The following LHX2 variants were observed in gnomAD, a reference collection of about 807,000 sequenced individuals.
The protein encoded by LHX2 is LIM homeobox 2.
A neutral mutation model predicts 33.0 loss-of-function variants in LHX2; 6 were observed. The observed-to-expected ratio is 0.18, with a 90% CI of 0.10 to 0.36. The LOEUF (loss-of-function observed/expected upper bound fraction) is 0.36. Ranked by LOEUF, LHX2 falls within the 10% of genes least tolerant of loss-of-function variation. LHX2 has a pLI of 1.00. For missense variants in LHX2, 442 were observed against 586.2 expected (o/e 0.75, Z 2.54); for synonymous variants, 292 against 253.1 (o/e 1.15, Z -1.46).
chr9:124,020,516 G>A (rs1180363407), intron 3 of LHX2, among the ~76,000 whole-genome samples: 2 of 152,074 alleles, frequency 1.3e-5, no homozygotes, highest in African/African-American at 4.8e-5. Flanking sequence ...CAGTTTCTAG[G>A]TGCCGGTCCC....
chr9:124,032,913 CACA>C lies in LHX2; in HGVS notation c.*210_*212del, dbSNP rs2118788567. On this transcript the variant is annotated 3_prime_UTR_variant, in exon 5 of 5. Coordinates refer to ENST00000373615, the MANE Select transcript of LHX2 (RefSeq NM_004789.4). The surrounding 1 kb of genome is among the most constrained non-coding windows in gnomAD (Gnocchi z 4.1). The stretch of plus-strand genomic sequence containing the variant: ...AACAACTTGGAAGATCTACCTGCAA[CACA>C]ACATTTGTGTCACTGTACAGTTTTG... The C allele has an allele frequency of 2.0e-6, 1 of 510,594 alleles. No individual in the cohort carries two copies. The highest frequency in any genetic ancestry group is 3.3e-5 in the East Asian group (1 of 30,608). The allele number at this position is 510,594 out of a possible 1,614,324, so 31.6% of individuals were successfully genotyped here. A position where few individuals can be genotyped will look rare whatever the true frequency, so the allele number is the denominator to read the frequency against.
Position 124,014,978 on chromosome 9 carries a change from T to C in LHX2, c.324-144T>C. The stretch of plus-strand genomic sequence containing the variant: ...AGGCCTGGGTCAAAATCTAGTTCTC[T>C]CTCCCCCCCATCCTCCAAATAAAGG... On this transcript the variant is annotated intron_variant, in intron 2 of 4. Coordinates refer to ENST00000373615, the MANE Select transcript of LHX2 (RefSeq NM_004789.4). This position sits in a 1 kb window ranked among gnomAD's most constrained non-coding sequence, Gnocchi z 4.8. 1 of 843,524 alleles carries C rather than the reference T, an allele frequency of 1.2e-6. No homozygotes were observed. The highest frequency in any genetic ancestry group is 1.8e-6 in the Non-Finnish European group (1 of 547,936). 52.3% of individuals were successfully genotyped at this position (843,524 alleles called of 1,614,324 possible). A position where few individuals can be genotyped will look rare whatever the true frequency, so the allele number is the denominator to read the frequency against.
chr9:124,021,541 C>T (rs60483758), intron 4 of LHX2, among the ~76,000 whole-genome samples: 11,111 of 152,196 alleles, frequency 0.073, 504 homozygotes, highest in Middle Eastern at 0.14. Context: ...TTTCTGTTTG[C>T]GTATCGCTCC....
chr9:124,026,425 T>A (rs1326860600), intron 4 of LHX2, among the ~76,000 whole-genome samples: 1 of 146,938 alleles, frequency 6.8e-6, no homozygotes, highest in Non-Finnish European at 1.5e-5. Context: ...TGCACCACTG[T>A]ACTCCAGCCA....
intron 1 of LHX2, among the ~76,000 whole-genome samples, chr9:124,013,437 G>A (rs1234223880): frequency 6.6e-6 from 1 of 152,266 alleles, no homozygotes; most frequent in Non-Finnish European, 1.5e-5. Flanking sequence ...GGAGCCAGAA[G>A]TTGGCTGACT....
rs1366254572 is a variant in LHX2 at position 124,015,495 on chromosome 9, C to G, written c.697C>G (p.Pro233Ala). ...GCCGAGGAAACGTAAGAGCCCGGGC[C>G]CCGGTGCGGATCTGGCGGCCTACAA... Reference protein sequence around the residue: ...GRPRKRKSPGPGADLAAYNAA... With the variant: ...GRPRKRKSPGAGADLAAYNAA... Residue 233 changes from proline (P) to alanine (A), a missense_variant, in exon 3 of 5, where the codon CCC becomes GCC. Physicochemically the swap from Pro to Ala is conservative, Grantham distance 27 (BLOSUM62 -1). Coordinates refer to ENST00000373615, the MANE Select transcript of LHX2 (RefSeq NM_004789.4). This position sits in a 1 kb window ranked among gnomAD's most constrained non-coding sequence, Gnocchi z 7.9. 6.8e-7 allele frequency: 1 copy of G among 1,475,452 alleles called. No homozygotes were observed. Among genetic ancestry groups the G allele is most frequent in the Admixed American group, 2.6e-5 (1 of 37,774 alleles). 91.4% of individuals were successfully genotyped at this position (1,475,452 alleles called of 1,614,324 possible).
At position 124,032,588 on chromosome 9, in the gene LHX2, A is replaced by C; in HGVS notation, c.1102A>C (p.Thr368Pro). The C allele has an allele frequency of 1.9e-6, 3 of 1,614,116 alleles. No homozygotes were observed. Among genetic ancestry groups the C allele is most frequent in the Non-Finnish European group, 2.5e-6 (3 of 1,180,010 alleles). ...LSPSSTPTTL[T>P]DLTSPTLPTV... The stretch of plus-strand genomic sequence containing the variant: ...CCCCTCCAGCACGCCCACCACCCTG[A>C]CAGACTTGACTAGCCCCACCCTGCC... The change falls in exon 5 of 5, where the codon ACA becomes CCA. Residue 368 changes from threonine to proline, a missense_variant. Thr to Pro is a conservative substitution (Grantham distance 38). Transcript: ENST00000373615. This position sits in a 1 kb window ranked among gnomAD's most constrained non-coding sequence, Gnocchi z 4.1.
rs959531764 is a variant in LHX2 at position 124,014,721 on chromosome 9, G to T, written c.324-401G>T. Among the ~76,000 whole-genome samples, 1 of 152,108 alleles carries T rather than the reference G, an allele frequency of 6.6e-6. No homozygotes were observed. Among genetic ancestry groups the T allele is most frequent in the Non-Finnish European group, 1.5e-5 (1 of 68,036 alleles). On this transcript the variant is annotated intron_variant, in intron 2 of 4. Coordinates refer to ENST00000373615, the MANE Select transcript of LHX2 (RefSeq NM_004789.4). This position sits in a 1 kb window ranked among gnomAD's most constrained non-coding sequence, Gnocchi z 4.8. ...ATATTCTCTCTGTCTCTGTCTCTAC[G>T]TCTGTGTCTCTCTCTCTTTCCCTGT...
chr9:124,012,345 C>G lies in LHX2; in HGVS notation c.-4C>G. 6.7e-7 allele frequency: 1 copy of G among 1,501,294 alleles called. No homozygotes were observed. The highest frequency in any genetic ancestry group is 2.1e-4 in the Middle Eastern group (1 of 4,768). 93.0% of individuals were successfully genotyped at this position (1,501,294 alleles called of 1,614,324 possible). Reference sequence around the variant, plus strand: ...GCGCCCCCGGCCCCGCCGGTCCCGCCGCGATGCTGTTCCACAGTCTGTCGG... The same window carrying G: ...GCGCCCCCGGCCCCGCCGGTCCCGCGGCGATGCTGTTCCACAGTCTGTCGG... On this transcript the variant is annotated 5_prime_UTR_variant, in exon 1 of 5. Transcript: ENST00000373615. This position sits in a 1 kb window ranked among gnomAD's most constrained non-coding sequence, Gnocchi z 4.3.
At position 124,016,852 on chromosome 9, in the gene LHX2, C is replaced by T. The variant is rs988535075; in HGVS notation, c.727+1327C>T. On this transcript the variant is annotated intron_variant, in intron 3 of 4. Transcript: ENST00000373615. The surrounding 1 kb of genome is among the most constrained non-coding windows in gnomAD (Gnocchi z 4.4). ...AACTTCCATCCCTCCTCTCCTACCACCCCCCAAAAAAAGACAAAACCGAGT... is the reference window on the plus strand; with the variant it reads ...AACTTCCATCCCTCCTCTCCTACCATCCCCCAAAAAAAGACAAAACCGAGT... Among the ~76,000 whole-genome samples the T allele has an allele frequency of 6.6e-6, 1 of 152,050 alleles. No homozygotes were observed. The highest frequency in any genetic ancestry group is 2.4e-5 in the African/African-American group (1 of 41,380).
At chr9:124,024,777 A>G (rs748454104) in intron 4 of LHX2, among the ~76,000 whole-genome samples, 1 of 152,228 alleles carries the variant, frequency 6.6e-6, no homozygotes, top group Non-Finnish European at 1.5e-5. Flanking sequence ...TTTGCAGATG[A>G]TGAAACTGAG....
intron 4 of LHX2, among the ~76,000 whole-genome samples, chr9:124,029,253 A>C (rs1828676151): frequency 6.6e-6 from 1 of 152,204 alleles, no homozygotes; most frequent in Non-Finnish European, 1.5e-5. Flanking sequence ...CCTGGCACAT[A>C]GTAAAAGGTA....
chr9:124,027,560 T>C (rs149785885), intron 4 of LHX2, among the ~76,000 whole-genome samples: 4 of 152,366 alleles, frequency 2.6e-5, no homozygotes, highest in African/African-American at 9.6e-5. Context: ...GTCTCCTGCC[T>C]GTAATCCCAG....
rs753230621 is a variant in LHX2, at chr9:124,015,354, G to C, written c.556G>C (p.Val186Leu). The change falls in exon 3 of 5, where the codon GTG becomes CTG. Residue 186 changes from valine (V) to leucine (L), a missense_variant. Physicochemically the swap from Val to Leu is conservative, Grantham distance 32. Around this residue, in one of 5 missense-constraint regions of LHX2, gnomAD observed 132 missense variants for 139.1 expected, o/e 0.95. Transcript: ENST00000373615. The surrounding 1 kb of genome is among the most constrained non-coding windows in gnomAD (Gnocchi z 7.9). ...CCCCGCACACTTCAACCATGCCGAC[G>C]TGGCAGCGGCGGCCGCTGCAGCCGC... Reference protein sequence around the residue: ...EYPAHFNHADVAAAAAAAAAA... With the variant: ...EYPAHFNHADLAAAAAAAAAA... 2 of 1,611,082 alleles carry C rather than the reference G, an allele frequency of 1.2e-6. No individual in the cohort carries two copies. The highest frequency in any genetic ancestry group is 1.7e-6 in the Non-Finnish European group (2 of 1,178,542).
intron 3 of LHX2, among the ~76,000 whole-genome samples, chr9:124,019,291 A>G (rs1344285976): frequency 1.3e-5 from 2 of 152,176 alleles, no homozygotes; most frequent in Non-Finnish European, 2.9e-5. Flanking sequence ...GTATCTTGCA[A>G]ATTCTCTCTG....
chr9:124,018,840 T>C (rs1859242696), intron 3 of LHX2, among the ~76,000 whole-genome samples: 2 of 151,940 alleles, frequency 1.3e-5, no homozygotes, highest in African/African-American at 4.8e-5. Context: ...TGTTTGTCTT[T>C]TTCTCTCCTT....
In LHX2 at chr9:124,032,848, A is replaced by G. The variant is rs1564554128; in HGVS notation, c.*141A>G. 2 of 960,244 alleles carry G rather than the reference A, an allele frequency of 2.1e-6. No homozygotes were observed. Among genetic ancestry groups the G allele is most frequent in the South Asian group, 1.9e-5 (1 of 53,472 alleles). The allele number at this position is 960,244 out of a possible 1,614,324, so 59.5% of individuals were successfully genotyped here. On this transcript the variant is annotated 3_prime_UTR_variant, in exon 5 of 5. Transcript: ENST00000373615. This position sits in a 1 kb window ranked among gnomAD's most constrained non-coding sequence, Gnocchi z 4.1. Reference sequence around the variant, plus strand: ...TCGCCTGGAAACAGAGGTAAAAAAAAGAAGTGTGCGCCCGGCTAATGCAGC... The same window carrying G: ...TCGCCTGGAAACAGAGGTAAAAAAAGGAAGTGTGCGCCCGGCTAATGCAGC...
At chr9:124,024,593 G>A (rs778834799) in intron 4 of LHX2, among the ~76,000 whole-genome samples, 9 of 152,188 alleles carry the variant, frequency 5.9e-5, no homozygotes, top group Non-Finnish European at 1.3e-4. Flanking sequence ...GTGGTTGCAC[G>A]GAGTAAATAA....
intron 4 of LHX2, among the ~76,000 whole-genome samples, chr9:124,029,111 C>CAAA (rs1263443458): frequency 3.3e-5 from 5 of 149,368 alleles, no homozygotes; most frequent in African/African-American, 1.3e-4. Context: ...GACTCTGTCT[C>CAAA]AAAAAATAAT....
Sources: allele counts gnomAD v4.1 joint callset (sites outside exome capture counted in the v4.1 genomes callset), GRCh38; gene constraint gnomAD v4.1.1; regional missense constraint gnomAD v4.1.1; non-coding constraint Gnocchi (gnomAD v3.1); transcripts MANE v1.5; gene names NCBI Gene and HGNC (gene_info 2026-07-23, HGNC 2026-07-21).